The following HERC2 variants were observed in gnomAD, a reference collection of about 807,000 sequenced individuals.
HERC2 encodes the protein HECT and RLD domain containing E3 ubiquitin protein ligase 2, also known as E3 ubiquitin-protein ligase HERC2.
A neutral mutation model predicts 537.7 loss-of-function variants in HERC2; 102 were observed. The observed-to-expected ratio is 0.19, with a 90% CI of 0.16 to 0.22. The LOEUF is 0.22. HERC2 is among the 10% of genes least tolerant of loss of function. HERC2 has a pLI of 1.00. For missense variants in HERC2, 4,236 were observed against 6,198.2 expected (o/e 0.68, Z 10.63); for synonymous variants, 2,224 against 2,466.2 (o/e 0.90, Z 2.91).
rs770335467 is a variant in HERC2, at chr15:28,229,258, C to A, written c.5209G>T (p.Ala1737Ser). The change falls in exon 34 of 93, where the codon GCT (alanine) becomes TCT (serine). Residue 1737 changes from alanine (A) to serine (S), a missense_variant. Transcript: ENST00000261609. ...TTTCGAATGTTCTGTACAGCCCAAGCGTACAGCTTGCCAAAGGTGACTTCC... is the reference window on the plus strand; with the variant it reads ...TTTCGAATGTTCTGTACAGCCCAAGAGTACAGCTTGCCAAAGGTGACTTCC... ...LLEVTFGKLY[A>S]WAVQNIRNVL... is the part of the protein sequence containing the mutation. The A allele has an allele frequency of 6.2e-6, 10 of 1,613,666 alleles. No individual in the cohort carries two copies. The highest frequency in any genetic ancestry group is 1.3e-5 in the African/African-American group (1 of 75,038).
At chr15:28,299,934 T>A (rs1434009880) in intron 2 of HERC2, among the ~76,000 whole-genome samples, 2 of 151,044 alleles carry the variant, frequency 1.3e-5, no homozygotes, top group South Asian at 2.1e-4. Flanking sequence ...GCGCCTGTAA[T>A]CCCAGCTACT....
At chr15:28,131,652 C>T (rs533198171) in intron 81 of HERC2, among the ~76,000 whole-genome samples, 1 of 152,310 alleles carries the variant, frequency 6.6e-6, no homozygotes, top group South Asian at 2.1e-4. Flanking sequence ...GCCTTGCTCT[C>T]GCTCCTCACA....
At chr15:28,215,926 G>T (rs1899851197) in intron 38 of HERC2, 124 bp from the exon 39 acceptor site, 2 of 697,996 alleles carry the variant, frequency 2.9e-6, no homozygotes, top group Admixed American at 3.4e-5. Flanking sequence ...CAAATATATT[G>T]CAGTTTGTAA....
chr15:28,183,570 G>A (rs1400540291), intron 56 of HERC2, among the ~76,000 whole-genome samples: 1 of 152,166 alleles, frequency 6.6e-6, no homozygotes, highest in Non-Finnish European at 1.5e-5. Flanking sequence ...CTTGAAAAGA[G>A]TACACAGGAC....
intron 16 of HERC2, among the ~76,000 whole-genome samples, 154 bp from the exon 17 acceptor site, chr15:28,257,415 C>T (rs1210112368): frequency 6.6e-6 from 1 of 152,108 alleles, no homozygotes; most frequent in African/African-American, 2.4e-5. Flanking sequence ...ATGTCTAGCT[C>T]ACACACTATC....
intron 69 of HERC2, among the ~76,000 whole-genome samples, chr15:28,155,339 A>G (rs74872915): frequency 0.2 from 31,065 of 151,974 alleles, 6,084 homozygotes; most frequent in African/African-American, 0.49. Context: ...AGGAATCGCC[A>G]CACTGTGTTC....
intron 4 of HERC2, among the ~76,000 whole-genome samples, chr15:28,284,904 C>A (rs527859388): frequency 2.8e-5 from 3 of 106,776 alleles, no homozygotes; most frequent in Non-Finnish European, 3.4e-5. Flanking sequence ...GCAAAAGGAG[C>A]GAAACTCCGT....
Position 28,124,036 on chromosome 15 carries a change from C to A in HERC2, c.13188+1G>T. On this transcript the variant is annotated splice_donor_variant, in intron 85 of 92. Transcript: ENST00000261609. LOFTEE classifies it high-confidence loss of function. The stretch of plus-strand genomic sequence containing the variant: ...TAGAGCAAAGATTGCCACTTGAATA[C>A]CTTTCCCTGGGATATCAGAATTCCT... 1 of 1,577,840 alleles carries A rather than the reference C, an allele frequency of 6.3e-7. No individual in the cohort carries two copies. Among genetic ancestry groups the A allele is most frequent in the South Asian group, 1.2e-5 (1 of 85,814 alleles).
At chr15:28,252,953 A>C (rs529059600) in intron 20 of HERC2, among the ~76,000 whole-genome samples, 1 of 152,234 alleles carries the variant, frequency 6.6e-6, no homozygotes, top group South Asian at 2.1e-4. Flanking sequence ...TGAATAGGCC[A>C]GCTGAGAGCT....
chr15:28,237,017 C>T lies in HERC2; in HGVS notation c.3949G>A (p.Ala1317Thr), dbSNP rs2346086. 3 of 1,611,948 alleles carry T rather than the reference C, an allele frequency of 1.9e-6. No individual in the cohort carries two copies. Among genetic ancestry groups the T allele is most frequent in the Non-Finnish European group, 1.7e-6 (2 of 1,179,828 alleles). The part of the protein sequence containing the change: ...RNLGLLLGLH[A>T]SYLAMSTPLS... ...GGTGTGCTCATTGCCAAATACGAAG[C>T]GTGTAATCCGAGAAGCAGGCCCAGA... Residue 1317 changes from alanine (A) to threonine (T), a missense_variant, in exon 26 of 93, where the codon GCT (alanine) becomes ACT (threonine). Transcript: ENST00000261609.
At position 28,198,581 on chromosome 15, in the gene HERC2, T is replaced by C; in HGVS notation, c.7885+20A>G. 2 of 1,610,120 alleles carry C rather than the reference T, an allele frequency of 1.2e-6. No homozygotes were observed. Among genetic ancestry groups the C allele is most frequent in the Non-Finnish European group, 1.7e-6 (2 of 1,177,952 alleles). The stretch of plus-strand genomic sequence containing the variant: ...TGTCTCTAAGAAAAAACAAAAGCAC[T>C]GAACAAAGAATGTGCTCACCTATAA... On this transcript the variant is annotated intron_variant, in intron 49 of 92. Transcript: ENST00000261609.
rs144493203 is a variant in HERC2, at chr15:28,161,748, C to T, written c.10746+1346G>A. On this transcript the variant is annotated intron_variant, in intron 69 of 92. Coordinates refer to ENST00000261609, the MANE Select transcript of HERC2 (RefSeq NM_004667.6). ...TTCCACAATGACAAAGTCCTACAGA[C>T]CCAGTGCTACCAAATATTAAAAGAC... 2.6e-5 allele frequency among the ~76,000 whole-genome samples: 4 copies of T among 152,286 alleles called. 1 individual carries two copies. The highest frequency in any genetic ancestry group is 5.9e-5 in the Non-Finnish European group (4 of 68,032).
At chr15:28,290,524 A>G (rs55935219) in intron 4 of HERC2, among the ~76,000 whole-genome samples, 46 of 152,148 alleles carry the variant, frequency 3.0e-4, no homozygotes, top group Non-Finnish European at 6.2e-4. Context: ...GCCACCACAC[A>G]CAGCTACATT....
chr15:28,256,946 C>T, intron 17 of HERC2, 115 bp downstream of exon 17: 1 of 908,786 alleles, frequency 1.1e-6, no homozygotes, highest in East Asian at 2.5e-5. Flanking sequence ...TACAATCTTA[C>T]TTTAAAATAT....
chr15:28,158,369 C>T (rs1893227840), intron 69 of HERC2, among the ~76,000 whole-genome samples: 1 of 152,046 alleles, frequency 6.6e-6, no homozygotes, highest in Non-Finnish European at 1.5e-5. Context: ...GTGTGGGAGT[C>T]GAAGTCTCTT....
intron 55 of HERC2, chr15:28,190,383 C>A (rs1896745800): frequency 6.6e-6 from 1 of 152,170 alleles, no homozygotes; most frequent in African/African-American, 2.4e-5. Context: ...ATGCTGACAT[C>A]CTATGTGGAA....
chr15:28,210,592 C>CCAG (rs1899087427), intron 44 of HERC2, among the ~76,000 whole-genome samples: 1 of 152,042 alleles, frequency 6.6e-6, no homozygotes, highest in Non-Finnish European at 1.5e-5. Flanking sequence ...ACTGAAATTC[C>CCAG]CAGCAGCAGC....
rs749299201 is a variant in HERC2, at chr15:28,176,634, G to A, written c.9515-35C>T. On this transcript the variant is annotated intron_variant, in intron 62 of 92. Coordinates refer to ENST00000261609, the MANE Select transcript of HERC2 (RefSeq NM_004667.6). This position sits in a 1 kb window ranked among gnomAD's most constrained non-coding sequence, Gnocchi z 5.0. ...AGAAACACATATACTTCAGGCCAGC[G>A]TTTCATATCATTCCTACCCACCCAG... 1.1e-5 allele frequency: 18 copies of A among 1,613,622 alleles called. No individual in the cohort carries two copies. Among genetic ancestry groups the A allele is most frequent in the South Asian group, 5.5e-5 (5 of 91,060 alleles).
chr15:28,233,516 T>G lies in HERC2; in HGVS notation c.4397A>C (p.Glu1466Ala). ...AGGCAACGTTCTGTGCTTTACTTGC[T>G]CAATACCAAGTGCACCTGCATGAAC... is the stretch of plus-strand genomic sequence containing the variant. ...SLVHAGALGI[E>A]QVKHRTLPKS... Residue 1466 changes from glutamate to alanine, a missense_variant, in exon 29 of 93, where the codon GAG becomes GCG. Transcript: ENST00000261609. 6.4e-7 allele frequency: 1 copy of G among 1,574,052 alleles called. No individual in the cohort carries two copies. Among genetic ancestry groups the G allele is most frequent in the Non-Finnish European group, 8.7e-7 (1 of 1,143,708 alleles).
Sources: gnomAD v4.1 joint callset for allele counts (sites outside exome capture counted in the v4.1 genomes callset) on GRCh38, gnomAD v4.1.1 for gene constraint, Gnocchi (gnomAD v3.1) non-coding constraint, MANE v1.5 for transcripts, NCBI Gene and HGNC (gene_info 2026-07-23, HGNC 2026-07-21) for gene names.